Variants in KCNT2 observed in about 807,000 individuals in gnomAD.
KCNT2 encodes potassium channel subfamily T member 2.
In KCNT2, 67 loss-of-function variants were observed where a neutral mutation model predicts 153.8. That is an observed-to-expected ratio of 0.44 (90% CI 0.36 to 0.53). The LOEUF (loss-of-function observed/expected upper bound fraction) is 0.53, where lower values mean the gene tolerates loss of function less well. Among genes scored for constraint, KCNT2 ranks in the 20% least tolerant of loss-of-function variants. The pLI, the probability that KCNT2 is intolerant of heterozygous loss-of-function variation, is 0.00. For synonymous variants in KCNT2, 500 were observed against 458.8 expected, an observed-to-expected ratio of 1.09 and a Z score of -1.15; for missense variants, 975 against 1,354.8, an observed-to-expected ratio of 0.72 and a Z score of 4.40.
chr1:196,456,012 G>T (rs960641902), intron 8 of KCNT2, among the ~76,000 whole-genome samples: 5 of 152,012 alleles, frequency 3.3e-5, no homozygotes, highest in African/African-American at 9.7e-5. Flanking sequence ...CAATTATCTG[G>T]TTCCGATTCA....
intron 14 of KCNT2, among the ~76,000 whole-genome samples, chr1:196,361,283 A>C (rs933722624): frequency 6.6e-6 from 1 of 151,946 alleles, no homozygotes; most frequent in Non-Finnish European, 1.5e-5. Flanking sequence ...TGCCATAGAT[A>C]GTGTCTGTAT....
At chr1:196,607,556 G>T (rs1029625292) in intron 1 of KCNT2, among the ~76,000 whole-genome samples, 3 of 152,106 alleles carry the variant, frequency 2.0e-5, no homozygotes, top group African/African-American at 7.2e-5. Context: ...TTATGAAAAG[G>T]TTGTATCATG....
At chr1:196,342,448 G>GTATATATATATATATATATATGTATATA (rs72201546) in intron 14 of KCNT2, among the ~76,000 whole-genome samples, 1 of 100,266 alleles carries the variant, frequency 1.0e-5, no homozygotes, top group African/African-American at 4.1e-5. Flanking sequence ...ATATATATAT[G>GTATATATATATATATATATATGTATATA]TATATATATA....
chr1:196,496,252 G>A (rs1680242673), intron 1 of KCNT2, among the ~76,000 whole-genome samples: 3 of 152,084 alleles, frequency 2.0e-5, no homozygotes, highest in East Asian at 1.9e-4. Flanking sequence ...GGTGGATCAC[G>A]AGGTCAGGAG....
chr1:196,246,610 A>T (rs1655471778), intron 26 of KCNT2, among the ~76,000 whole-genome samples: 1 of 152,160 alleles, frequency 6.6e-6, no homozygotes, highest in Admixed American at 6.6e-5. Context: ...AACAAAAAAA[A>T]GTTAAAAAGT....
intron 25 of KCNT2, among the ~76,000 whole-genome samples, chr1:196,269,289 C>T (rs1337897216): frequency 6.6e-6 from 1 of 152,128 alleles, no homozygotes; most frequent in Non-Finnish European, 1.5e-5. Flanking sequence ...GGCATGATTT[C>T]CATACTATTT....
chr1:196,344,345 C>T (rs575970378), intron 14 of KCNT2, among the ~76,000 whole-genome samples: 2 of 152,212 alleles, frequency 1.3e-5, no homozygotes, highest in Non-Finnish European at 2.9e-5. Flanking sequence ...AACCTGTGCC[C>T]ATTCTTCCAT....
At chr1:196,382,023 T>C (rs1301204385) in intron 13 of KCNT2, among the ~76,000 whole-genome samples, 1 of 152,132 alleles carries the variant, frequency 6.6e-6, no homozygotes, top group African/African-American at 2.4e-5. Context: ...GATATACAGA[T>C]ACTTTGCCTG....
rs764204378 is a variant in KCNT2 at position 196,423,098 on chromosome 1, C to T, written c.1137G>A (p.Glu379=). 5 of 1,602,434 alleles carry T rather than the reference C, an allele frequency of 3.1e-6. No individual in the cohort carries two copies. Among genetic ancestry groups the T allele is most frequent in the Admixed American group, 3.4e-5 (2 of 59,286 alleles). ...AACGGCTACTGAGAATAAAACAGGC[C>T]TCAGCGTCATCCATCCTAAATACAG... ...DLLRAKMDDA[E]ACFILSSRCE... Residue 379 remains glutamate (E), a synonymous_variant, in exon 12 of 28, where the codon GAG becomes GAA. Coordinates refer to ENST00000294725, the MANE Select transcript of KCNT2 (RefSeq NM_198503.5).
intron 13 of KCNT2, among the ~76,000 whole-genome samples, chr1:196,387,294 G>A (rs1019120146): frequency 1.6e-4 from 24 of 151,896 alleles, no homozygotes; most frequent in African/African-American, 5.1e-4. Context: ...TTCAGTTCCT[G>A]TTAATTCACC....
At chr1:196,356,910 C>T (rs1354281920) in intron 14 of KCNT2, among the ~76,000 whole-genome samples, 1 of 151,720 alleles carries the variant, frequency 6.6e-6, no homozygotes, top group East Asian at 1.9e-4. Flanking sequence ...TGTTGGCAGC[C>T]AAATAAAACT....
At chr1:196,281,544 A>G (rs968036608) in intron 24 of KCNT2, among the ~76,000 whole-genome samples, 1 of 152,158 alleles carries the variant, frequency 6.6e-6, no homozygotes, top group Admixed American at 6.5e-5. Context: ...ATAGTAGAAT[A>G]AGCATCGTGA....
intron 1 of KCNT2, among the ~76,000 whole-genome samples, chr1:196,551,414 G>C (rs963358260): frequency 1.3e-5 from 2 of 151,834 alleles, no homozygotes; most frequent in Non-Finnish European, 2.9e-5. Flanking sequence ...CTTTTGTAAA[G>C]GGGGATTCTT....
intron 25 of KCNT2, among the ~76,000 whole-genome samples, chr1:196,260,071 GAT>G (rs1656866566): frequency 6.6e-6 from 1 of 151,700 alleles, no homozygotes; most frequent in Non-Finnish European, 1.5e-5. Flanking sequence ...ATGAAAATAT[GAT>G]ATTTCAGTCA....
At chr1:196,585,938 A>G (rs1044376920) in intron 1 of KCNT2, among the ~76,000 whole-genome samples, 2 of 152,014 alleles carry the variant, frequency 1.3e-5, no homozygotes, top group African/African-American at 4.8e-5. Flanking sequence ...ATAAATCTCA[A>G]CTCTATTGAA....
intron 1 of KCNT2, among the ~76,000 whole-genome samples, chr1:196,563,690 T>G (rs1659730025): frequency 6.6e-6 from 1 of 151,872 alleles, no homozygotes; most frequent in Non-Finnish European, 1.5e-5. Context: ...ATTTATCCAT[T>G]TAACGCAACA....
intron 22 of KCNT2, among the ~76,000 whole-genome samples, chr1:196,302,153 A>C (rs1247797187): frequency 6.6e-6 from 1 of 152,198 alleles, no homozygotes; most frequent in Non-Finnish European, 1.5e-5. Flanking sequence ...GGAAGAATAA[A>C]AATCCATGTA....
At chr1:196,582,824 C>T (rs909409528) in intron 1 of KCNT2, among the ~76,000 whole-genome samples, 1 of 151,710 alleles carries the variant, frequency 6.6e-6, no homozygotes, top group African/African-American at 2.4e-5. Flanking sequence ...AAATAGAGTA[C>T]AATAAAGGTT....
chr1:196,553,989 G>C (rs1658302698), intron 1 of KCNT2, among the ~76,000 whole-genome samples: 1 of 150,992 alleles, frequency 6.6e-6, no homozygotes, highest in Admixed American at 6.6e-5. Context: ...AGTACTAAGA[G>C]GTAAATTTAT....
Sources: allele counts gnomAD v4.1 joint callset (sites outside exome capture counted in the v4.1 genomes callset), GRCh38; gene constraint gnomAD v4.1.1; transcripts MANE v1.5; gene names NCBI Gene and HGNC (gene_info 2026-07-23, HGNC 2026-07-21).